The following SNTG1 variants were observed in gnomAD, a reference collection of about 807,000 sequenced individuals.
The protein encoded by SNTG1 is syntrophin gamma 1.
SNTG1 carries 39 observed loss-of-function variants against 74.7 expected under a neutral mutation model. The observed-to-expected ratio is 0.52, with a 90% confidence interval of 0.40 to 0.68. The LOEUF is 0.68. SNTG1 is among the 30% of genes least tolerant of loss of function. SNTG1 has a pLI of 0.00. For missense variants in SNTG1, 685 were observed against 609.5 expected (o/e 1.12, Z -1.30); for synonymous variants, 254 against 217.1 (o/e 1.17, Z -1.49).
In SNTG1 at chr8:50,668,982, T is replaced by C. The variant is rs148828970; in HGVS notation, c.1038+10319T>C. On this transcript the variant is annotated intron_variant, in intron 15 of 18. Coordinates refer to ENST00000642720, the MANE Select transcript of SNTG1 (RefSeq NM_018967.5). ...TTATAGCTGAATGATTTATAATCCTTTGGGCATATACCCAGTAATAAGATT... is the reference window on the plus strand; with the variant it reads ...TTATAGCTGAATGATTTATAATCCTCTGGGCATATACCCAGTAATAAGATT... Among the ~76,000 whole-genome samples the C allele has an allele frequency of 8.8e-3, 1,343 of 152,032 alleles. 52 individuals carry two copies. Among genetic ancestry groups the C allele is most frequent in the Admixed American group, 0.072 (1,100 of 15,222 alleles).
At position 50,222,741 on chromosome 8, in the gene SNTG1, A is replaced by T. The variant is rs572509471; in HGVS notation, c.-28+50106A>T. Among the ~76,000 whole-genome samples, 9 of 152,232 alleles carry T rather than the reference A, an allele frequency of 5.9e-5. No individual in the cohort carries two copies. In the East Asian group the frequency reaches 1.7e-3, roughly 29 times the overall value. ...TGATGCAGACAGACCCTCAGCGGGG[A>T]TTGCTTCTCAGCCTCACAGCATCTC... On this transcript the variant is annotated intron_variant, in intron 2 of 18. Transcript: ENST00000642720.
At chr8:50,424,170 A>G (rs1563367494) in intron 4 of SNTG1, among the ~76,000 whole-genome samples, 1 of 152,130 alleles carries the variant, frequency 6.6e-6, no homozygotes, top group Non-Finnish European at 1.5e-5. Context: ...TTGCACTGCA[A>G]ATGAAGGGAT....
Position 50,473,651 on chromosome 8 carries a change from A to C in SNTG1, c.363+22922A>C, listed in dbSNP as rs139359694. 9.8e-3 allele frequency among the ~76,000 whole-genome samples: 1,499 copies of C among 152,308 alleles called. 16 individuals are homozygous for C. Among genetic ancestry groups the C allele is most frequent in the Non-Finnish European group, 0.013 (904 of 68,026 alleles). On this transcript the variant is annotated intron_variant, in intron 8 of 18. Transcript: ENST00000642720. ...GAAGCATTTTTCACAATAACCAAGA[A>C]GTGGTGGCAATCCAAATGTTCATTA...
At chr8:50,453,766 C>T (rs2093477333) in intron 8 of SNTG1, among the ~76,000 whole-genome samples, 1 of 152,168 alleles carries the variant, frequency 6.6e-6, no homozygotes, top group African/African-American at 2.4e-5. Context: ...TCCCTATTCC[C>T]CCTCCGTGGG....
rs2080528862 is a variant in SNTG1, at chr8:50,110,185, G to A, written c.-102-62376G>A. On this transcript the variant is annotated intron_variant, in intron 1 of 18. Transcript: ENST00000642720. The stretch of plus-strand genomic sequence containing the variant: ...TCATCATGCATCTAGTGACATTCTG[G>A]CAGGTTAACTGCAGAGTGAGGGATT... 3.3e-5 allele frequency among the ~76,000 whole-genome samples: 5 copies of A among 152,044 alleles called. No homozygotes were observed. In the South Asian group the frequency reaches 1.0e-3, roughly 32 times the overall value.
intron 1 of SNTG1, among the ~76,000 whole-genome samples, chr8:49,946,426 G>A (rs2129384365): frequency 1.3e-5 from 2 of 152,244 alleles, no homozygotes; most frequent in African/African-American, 4.8e-5. Context: ...ATGGTGGTGG[G>A]ATATATACAC....
intron 16 of SNTG1, among the ~76,000 whole-genome samples, chr8:50,705,338 T>TA (rs2095439888): frequency 1.3e-5 from 2 of 152,302 alleles, no homozygotes; most frequent in South Asian, 4.1e-4. Context: ...TTTTTACAGA[T>TA]AAGAAAACAC....
intron 8 of SNTG1, among the ~76,000 whole-genome samples, chr8:50,458,839 CA>C (rs1198597825): frequency 1.3e-5 from 2 of 152,094 alleles, no homozygotes; most frequent in African/African-American, 4.8e-5. Flanking sequence ...ATACAATTCG[CA>C]AATATTTTTT....
At chr8:50,606,933 CATA>C (rs1175455821) in intron 13 of SNTG1, among the ~76,000 whole-genome samples, 20 of 151,836 alleles carry the variant, frequency 1.3e-4, no homozygotes, top group Admixed American at 1.0e-3. Flanking sequence ...CCCAGTTAAT[CATA>C]ATGTTTTTAT....
intron 1 of SNTG1, among the ~76,000 whole-genome samples, chr8:49,934,625 T>C (rs1462993295): frequency 6.6e-6 from 1 of 152,168 alleles, no homozygotes; most frequent in Admixed American, 6.5e-5. Context: ...TGCTCTGGAA[T>C]GTGAAATAAT....
intron 5 of SNTG1, among the ~76,000 whole-genome samples, chr8:50,442,573 T>A (rs1411773686): frequency 6.6e-6 from 1 of 151,934 alleles, no homozygotes; most frequent in Non-Finnish European, 1.5e-5. Flanking sequence ...TTGACAGTGA[T>A]TTAGATTTCT....
chr8:50,761,097 C>A lies in SNTG1; in HGVS notation c.1395+8986C>A, dbSNP rs148232888. ...AAGAAAATTTCAGGCCAATATCCCT[C>A]ATGAACATTGATGCGAAAATCCTCA... On this transcript the variant is annotated intron_variant, in intron 18 of 18. Coordinates refer to ENST00000642720, the MANE Select transcript of SNTG1 (RefSeq NM_018967.5). Among the ~76,000 whole-genome samples, 357 of 152,054 alleles carry A rather than the reference C, an allele frequency of 2.3e-3. 1 individual carries two copies. The highest frequency in any genetic ancestry group is 8.2e-3 in the African/African-American group (341 of 41,526).
At position 50,529,146 on chromosome 8, in the gene SNTG1, C is replaced by T. The variant is rs1246076920; in HGVS notation, c.467-1031C>T. 1.3e-5 allele frequency among the ~76,000 whole-genome samples: 2 copies of T among 151,880 alleles called. 1 individual carries two copies. Among genetic ancestry groups the T allele is most frequent in the South Asian group, 4.1e-4 (2 of 4,822 alleles). The stretch of plus-strand genomic sequence containing the variant: ...TATGCTTTAAAATAATAAGTATATA[C>T]ATTTGCTTTAAAGTAATACATATAT... On this transcript the variant is annotated intron_variant, in intron 9 of 18. Transcript: ENST00000642720.
intron 18 of SNTG1, among the ~76,000 whole-genome samples, chr8:50,766,894 A>G (rs549619510): frequency 6.6e-6 from 1 of 152,082 alleles, no homozygotes; most frequent in South Asian, 2.1e-4. Flanking sequence ...TATATTTTTG[A>G]AGTTATGATT....
intron 1 of SNTG1, among the ~76,000 whole-genome samples, chr8:50,050,482 C>T (rs566052334): frequency 4.5e-4 from 68 of 152,000 alleles, no homozygotes; most frequent in African/African-American, 1.5e-3. Context: ...ACAAAAAGCA[C>T]CAGGCTAGAT....
At chr8:50,076,941 A>G (rs1821948601) in intron 1 of SNTG1, among the ~76,000 whole-genome samples, 1 of 152,224 alleles carries the variant, frequency 6.6e-6, no homozygotes, top group South Asian at 2.1e-4. Context: ...GGTAAAATAC[A>G]AAACAGGAAG....
chr8:50,784,609 G>A (rs1394232281), intron 18 of SNTG1, among the ~76,000 whole-genome samples: 1 of 152,164 alleles, frequency 6.6e-6, no homozygotes, highest in African/African-American at 2.4e-5. Flanking sequence ...GTACCCCACT[G>A]TAACTAATGG....
chr8:50,509,700 T>C (rs1297145446), intron 9 of SNTG1, among the ~76,000 whole-genome samples: 1 of 152,152 alleles, frequency 6.6e-6, no homozygotes, highest in Non-Finnish European at 1.5e-5. Context: ...AGTTCACTTA[T>C]GATTTGGCTC....
intron 8 of SNTG1, among the ~76,000 whole-genome samples, chr8:50,497,887 A>C (rs1355057541): frequency 6.6e-6 from 1 of 151,964 alleles, no homozygotes; most frequent in Non-Finnish European, 1.5e-5. Context: ...GGCTTCTTTC[A>C]CTAAATATAA....
Sources: allele counts gnomAD v4.1 joint callset (sites outside exome capture counted in the v4.1 genomes callset), GRCh38; gene constraint gnomAD v4.1.1; transcripts MANE v1.5; gene names NCBI Gene and HGNC (gene_info 2026-07-23, HGNC 2026-07-21).